The following USP6 variants were observed in gnomAD, a reference collection of about 807,000 sequenced individuals.
The protein encoded by USP6 is ubiquitin specific peptidase 6, also known as ubiquitin carboxyl-terminal hydrolase 6.
In USP6, 128 loss-of-function variants were observed where a neutral mutation model predicts 175.7. The observed-to-expected ratio is 0.73, with a 90% CI of 0.63 to 0.84. The LOEUF (loss-of-function observed/expected upper bound fraction) is 0.84, where lower values mean the gene tolerates loss of function less well. Ranked by LOEUF, USP6 falls within the 40% of genes least tolerant of loss-of-function variation. The pLI is 0.00. For synonymous variants in USP6, 562 were observed against 630.6 expected, an observed-to-expected ratio of 0.89 and a Z score of 1.63; for missense variants, 1,498 against 1,760.3, an observed-to-expected ratio of 0.85 and a Z score of 2.67.
At chr17:5,148,356 T>C (rs554012394) in intron 29 of USP6, among the ~76,000 whole-genome samples, 200 bp from the exon 30 acceptor site, 1 of 152,356 alleles carries the variant, frequency 6.6e-6, no homozygotes, top group East Asian at 1.9e-4. Flanking sequence ...TCTTTCCTTT[T>C]CATTTGGTCA....
intron 35 of USP6, among the ~76,000 whole-genome samples, chr17:5,170,157 T>C (rs2074181783): frequency 6.6e-6 from 1 of 152,216 alleles, no homozygotes; most frequent in Non-Finnish European, 1.5e-5. Flanking sequence ...GAGGAATATG[T>C]ATTTGGAAAA....
At chr17:5,168,520 C>T (rs528134842) in intron 34 of USP6, among the ~76,000 whole-genome samples, 1 of 152,372 alleles carries the variant, frequency 6.6e-6, no homozygotes, top group South Asian at 2.1e-4. Context: ...GCAATACCCA[C>T]TGCACATAGT....
intron 7 of USP6, 125 bp downstream of exon 7, chr17:5,127,764 G>A (rs1260328420): frequency 6.6e-6 from 1 of 152,166 alleles, no homozygotes; most frequent in Non-Finnish European, 1.5e-5. Flanking sequence ...TATAAGCTAT[G>A]CACATTCTCC....
At chr17:5,128,392 C>A (rs903699644) in intron 7 of USP6, 1 of 152,184 alleles carries the variant, frequency 6.6e-6, no homozygotes, top group African/African-American at 2.4e-5. Context: ...ATTAGAGATA[C>A]TAAAAATACC....
At chr17:5,130,461 G>A (rs1366822146) in intron 10 of USP6, 22 bp downstream of exon 10, 1 of 1,613,880 alleles carries the variant, frequency 6.2e-7, no homozygotes, top group Non-Finnish European at 8.5e-7. Flanking sequence ...TCTGCTCCTT[G>A]GAGGGAGGCC....
intron 26 of USP6, among the ~76,000 whole-genome samples, chr17:5,145,134 C>T (rs561490995): frequency 6.6e-6 from 1 of 152,182 alleles, no homozygotes; most frequent in East Asian, 1.9e-4. Context: ...AAAGAGTCCC[C>T]GTAATTGCTA....
chr17:5,142,140 A>T lies in USP6; in HGVS notation c.1711A>T (p.Arg571Trp). Residue 571 changes from arginine to tryptophan, a missense_variant and splice_region_variant, in exon 24 of 38, where the codon AGG (arginine) becomes TGG (tryptophan). Around this residue, in one of 2 missense-constraint regions of USP6, gnomAD observed 1,217 missense variants for 1,500.8 expected, o/e 0.81. Coordinates refer to ENST00000574788, the MANE Select transcript of USP6 (RefSeq NM_001304284.2). ...ISGRHLYELNRTNPIGMKGHM... is the reference protein window; with the variant it reads ...ISGRHLYELNWTNPIGMKGHM... ...AGGGAGACATCTTTATGAACTCAACAGGTAAACTTTCTTGAGTCACTGGCC... is the reference window on the plus strand; with the variant it reads ...AGGGAGACATCTTTATGAACTCAACTGGTAAACTTTCTTGAGTCACTGGCC... The T allele has an allele frequency of 6.2e-7, 1 of 1,610,766 alleles. No homozygotes were observed. Among genetic ancestry groups the T allele is most frequent in the South Asian group, 1.1e-5 (1 of 90,074 alleles).
In USP6 at chr17:5,146,035, A is replaced by G. The variant is rs372012513; in HGVS notation, c.2180A>G (p.Asp727Gly). Residue 727 changes from aspartate (D) to glycine (G), a missense_variant, in exon 28 of 38, where the codon GAT (aspartate) becomes GGT (glycine). Transcript: ENST00000574788. Reference sequence around the variant, plus strand: ...TTCTCTTTACTAGTGATTAAGTTAGATGGTACTACCCCTGTACGGTATGGA... The same window carrying G: ...TTCTCTTTACTAGTGATTAAGTTAGGTGGTACTACCCCTGTACGGTATGGA... ...MDLEITVIKLDGTTPVRYGLR... is the reference protein window; with the variant it reads ...MDLEITVIKLGGTTPVRYGLR... The G allele has an allele frequency of 1.3e-6, 2 of 1,580,500 alleles. No individual in the cohort carries two copies. The highest frequency in any genetic ancestry group is 1.7e-6 in the Non-Finnish European group (2 of 1,165,186).
chr17:5,128,776 T>A (rs1194884937), intron 7 of USP6, 176 bp from the exon 8 acceptor site: 3 of 152,828 alleles, frequency 2.0e-5, no homozygotes, highest in African/African-American at 7.2e-5. Context: ...AGAATGTCAC[T>A]GGTGCTTAGC....
rs1439675567 is a variant in USP6 at position 5,137,728 on chromosome 17, C to T, written c.903C>T (p.Ser301=). The change falls in exon 20 of 38, where the codon AGC becomes AGT. Residue 301 remains serine (S), a synonymous_variant. Transcript: ENST00000574788. The part of the protein sequence containing the change: ...EGEQVLMPIT[S]IALKVQQKRL... ...AACAGGTGTTGATGCCAATAACCAG[C>T]ATTGCTCTTAAGGTTCAGCAGAGTA... 1.2e-6 allele frequency: 2 copies of T among 1,608,818 alleles called. No individual in the cohort carries two copies. The highest frequency in any genetic ancestry group is 1.7e-6 in the Non-Finnish European group (2 of 1,176,424).
At chr17:5,133,761 C>A (rs2073157557) in intron 14 of USP6, 126 bp from the exon 15 acceptor site, 1 of 1,234,544 alleles carries the variant, frequency 8.1e-7, no homozygotes, top group Admixed American at 1.8e-5. Flanking sequence ...AAGCAGCTTT[C>A]TGCAGAAGGA....
rs779316577 is a variant in USP6 at position 5,130,666 on chromosome 17, A to T, written c.137A>T (p.Asp46Val). The T allele has an allele frequency of 1.2e-6, 2 of 1,613,884 alleles. No homozygotes were observed. Among genetic ancestry groups the T allele is most frequent in the South Asian group, 2.2e-5 (2 of 91,068 alleles). The change falls in exon 11 of 38, where the codon GAT (aspartate) becomes GTT (valine). Residue 46 changes from aspartate to valine, a missense_variant. By Grantham distance (152) the Asp-to-Val change is radical. This residue lies in a region of USP6 where 281 missense variants were observed against 259.6 expected (regional missense o/e 1.08). Transcript: ENST00000574788. ...CCCGTTGGAATCAACAGCAGCATTGATCGTTTTGGCATTTTGCAGTGAGTC... is the reference window on the plus strand; with the variant it reads ...CCCGTTGGAATCAACAGCAGCATTGTTCGTTTTGGCATTTTGCAGTGAGTC... Reference protein sequence around the residue: ...PEPVGINSSIDRFGILHETEL... With the variant: ...PEPVGINSSIVRFGILHETEL...
chr17:5,117,575 A>T (rs2076309210), intron 1 of USP6, among the ~76,000 whole-genome samples: 1 of 151,992 alleles, frequency 6.6e-6, no homozygotes, highest in Non-Finnish European at 1.5e-5. Flanking sequence ...ATGGGGTCGC[A>T]TCAGAATATA....
At chr17:5,147,448 A>G (rs960834410) in intron 29 of USP6, among the ~76,000 whole-genome samples, 7 of 152,176 alleles carry the variant, frequency 4.6e-5, no homozygotes, top group African/African-American at 1.7e-4. Flanking sequence ...ACATTTATCT[A>G]ATACTAACAT....
intron 4 of USP6, among the ~76,000 whole-genome samples, chr17:5,121,975 G>GAATCC (rs1461706492): frequency 6.6e-6 from 1 of 152,144 alleles, no homozygotes; most frequent in Non-Finnish European, 1.5e-5. Context: ...GAGCCATGGA[G>GAATCC]GGATTTGGAG....
chr17:5,167,554 C>T (rs572538674), intron 33 of USP6, among the ~76,000 whole-genome samples: 15 of 152,214 alleles, frequency 9.9e-5, no homozygotes, highest in Admixed American at 5.2e-4. Flanking sequence ...CTCTGTCATC[C>T]GGGCTGGAGT....
chr17:5,170,259 T>C (rs2074184041), intron 35 of USP6, among the ~76,000 whole-genome samples: 2 of 152,240 alleles, frequency 1.3e-5, no homozygotes, highest in South Asian at 4.1e-4. Flanking sequence ...TAATGCACTT[T>C]ACATTTTCAG....
At position 5,142,073 on chromosome 17, in the gene USP6, G is replaced by A. The variant is rs772548600; in HGVS notation, c.1644G>A (p.Gln548=). 2 of 1,613,900 alleles carry A rather than the reference G, an allele frequency of 1.2e-6. No individual in the cohort carries two copies. The highest frequency in any genetic ancestry group is 1.7e-6 in the Non-Finnish European group (2 of 1,179,844). The change falls in exon 24 of 38, where the codon CAG becomes CAA. Residue 548 remains glutamine (Q), a synonymous_variant. Coordinates refer to ENST00000574788, the MANE Select transcript of USP6 (RefSeq NM_001304284.2). ...CATGCTTCATGAACTCAAGCATCCAGTGCGTTAGTAACACACAGCCACTGA... is the reference window on the plus strand; with the variant it reads ...CATGCTTCATGAACTCAAGCATCCAATGCGTTAGTAACACACAGCCACTGA... ...GNTCFMNSSI[Q]CVSNTQPLTQ... is the part of the protein sequence containing the mutation.
chr17:5,158,614 G>A (rs865953359), intron 31 of USP6, among the ~76,000 whole-genome samples: 124 of 26,256 alleles, frequency 4.7e-3, no homozygotes, highest in East Asian at 9.8e-3. Flanking sequence ...AGGGAGAGGG[G>A]GAGAGAGAGA....
Sources: gnomAD v4.1 joint callset for allele counts (sites outside exome capture counted in the v4.1 genomes callset) on GRCh38, gnomAD v4.1.1 for gene constraint, gnomAD v4.1.1 regional missense constraint, MANE v1.5 for transcripts, NCBI Gene and HGNC (gene_info 2026-07-23, HGNC 2026-07-21) for gene names.